Variants in SPANXN1 observed in about 807,000 individuals in gnomAD.
SPANXN1 encodes the protein SPANX family member N1, also known as sperm protein associated with the nucleus on the X chromosome N1.
Under a neutral mutation model 2.0 loss-of-function variants are expected in SPANXN1, and 1 was observed. That is an observed-to-expected ratio of 0.50 (90% CI 0.18 to 2.36). SPANXN1 has a LOEUF of 2.36. SPANXN1 is among the 30% of genes most tolerant of loss of function. The pLI is 0.26. For synonymous variants in SPANXN1, 27 were observed against 21.3 expected (o/e 1.27, Z -0.74); for missense variants, 55 against 51.8 (o/e 1.06, Z -0.19).
intron 1 of SPANXN1, among the ~76,000 whole-genome samples, chrX:145,248,305 G>C (rs1487680966): frequency 4.5e-5 from 5 of 111,434 alleles, no homozygotes; most frequent in Non-Finnish European, 7.5e-5. Context: ...GTGTTGCTGG[G>C]TGGCTGCCTG....
Position 145,255,877 on chromosome X carries a change from T to C in SPANXN1, c.*63T>C, listed in dbSNP as rs2070808788. The C allele has an allele frequency of 1.7e-6, 2 of 1,208,639 alleles. No homozygotes were observed. The highest frequency in any genetic ancestry group is 1.8e-5 in the South Asian group (1 of 56,766). On this transcript the variant is annotated 3_prime_UTR_variant, in exon 2 of 2. Transcript: ENST00000370493. Reference sequence around the variant, plus strand: ...AAGGCCTAGACTCAGCTGAAGGATCTTCAAAGCAGGATGAAGACCTAGACT... The same window carrying C: ...AAGGCCTAGACTCAGCTGAAGGATCCTCAAAGCAGGATGAAGACCTAGACT...
In SPANXN1 at chrX:145,251,530, G is replaced by A. The variant is rs1472353114; in HGVS notation, c.75+3869G>A. Reference sequence around the variant, plus strand: ...ACAGAGTCCAGTTGTTTTGAGAGATGTGCAATGGCTTCTGGGGCGTCGCCG... The same window carrying A: ...ACAGAGTCCAGTTGTTTTGAGAGATATGCAATGGCTTCTGGGGCGTCGCCG... On this transcript the variant is annotated intron_variant, in intron 1 of 1. Transcript: ENST00000370493. 1.0e-3 allele frequency among the ~76,000 whole-genome samples: 116 copies of A among 111,715 alleles called. 1 individual carries two copies. The highest frequency in any genetic ancestry group is 3.6e-3 in the African/African-American group (112 of 30,710).
Position 145,255,822 on chromosome X carries a change from C to T in SPANXN1, c.*8C>T. On this transcript the variant is annotated 3_prime_UTR_variant, in exon 2 of 2. Coordinates refer to ENST00000370493, the MANE Select transcript of SPANXN1 (RefSeq NM_001009614.3). ...GAGAATGACCAGTCCTGAGAGAACT[C>T]CATCAATCCAGTCCAAGAGGAGGAG... 2.5e-6 allele frequency: 3 copies of T among 1,212,146 alleles called. No homozygotes were observed. Among genetic ancestry groups the T allele is most frequent in the Non-Finnish European group, 2.2e-6 (2 of 895,576 alleles).
At chrX:145,253,153 C>G (rs2124445653) in intron 1 of SPANXN1, among the ~76,000 whole-genome samples, 1 of 110,967 alleles carries the variant, frequency 9.0e-6, no homozygotes, top group South Asian at 3.9e-4. Flanking sequence ...CTTGATACCA[C>G]AGATGGGGCA....
chrX:145,255,502 CTCT>C (rs1262996248), intron 1 of SPANXN1, among the ~76,000 whole-genome samples, 166 bp from the exon 2 acceptor site: 5 of 110,352 alleles, frequency 4.5e-5, no homozygotes, highest in Non-Finnish European at 7.6e-5. Flanking sequence ...ACCCATGCTC[CTCT>C]TCTTCTTCCC....
intron 1 of SPANXN1, among the ~76,000 whole-genome samples, chrX:145,251,948 C>T (rs1193863787): frequency 9.0e-6 from 1 of 111,451 alleles, no homozygotes; most frequent in African/African-American, 3.3e-5. Context: ...GGGGTTAGGA[C>T]AAACCCATGT....
At chrX:145,254,831 C>G (rs782516927) in intron 1 of SPANXN1, among the ~76,000 whole-genome samples, 1 of 111,368 alleles carries the variant, frequency 9.0e-6, no homozygotes, top group African/African-American at 3.3e-5. Flanking sequence ...AGAAAAAGGT[C>G]GAGAGTTTGA....
intron 1 of SPANXN1, among the ~76,000 whole-genome samples, chrX:145,251,898 A>T (rs1375288049): frequency 9.0e-6 from 1 of 111,001 alleles, no homozygotes; most frequent in African/African-American, 3.3e-5. Context: ...GCATGTCCCA[A>T]ATTAGCTCCT....
intron 1 of SPANXN1, among the ~76,000 whole-genome samples, chrX:145,253,147 A>T (rs781913159): frequency 9.0e-6 from 1 of 110,997 alleles, no homozygotes; most frequent in African/African-American, 3.3e-5. Context: ...GTGTTGCTTG[A>T]TACCACAGAT....
At chrX:145,250,628 T>C (rs2070781996) in intron 1 of SPANXN1, among the ~76,000 whole-genome samples, 1 of 112,082 alleles carries the variant, frequency 8.9e-6, no homozygotes, top group Non-Finnish European at 1.9e-5. Flanking sequence ...TGGAACCATT[T>C]TTTCCTGAAT....
chrX:145,250,747 C>A lies in SPANXN1; in HGVS notation c.75+3086C>A, dbSNP rs1556882419. ...GTTTTAAGGGCTGCCTGCCAGGCTGCCAAATTTATTGAAAGGTTTTTCTCG... is the reference window on the plus strand; with the variant it reads ...GTTTTAAGGGCTGCCTGCCAGGCTGACAAATTTATTGAAAGGTTTTTCTCG... On this transcript the variant is annotated intron_variant, in intron 1 of 1. Transcript: ENST00000370493. 3.6e-5 allele frequency among the ~76,000 whole-genome samples: 4 copies of A among 111,014 alleles called. No individual in the cohort carries two copies. The South Asian group carries it at 1.6e-3, about 44-fold the overall frequency.
intron 1 of SPANXN1, among the ~76,000 whole-genome samples, chrX:145,249,296 T>C (rs1479643067): frequency 9.2e-6 from 1 of 108,295 alleles, no homozygotes; most frequent in African/African-American, 3.4e-5. Flanking sequence ...CTGCTAGAGG[T>C]TGGGGGTGGG....
At chrX:145,255,514 C>T (rs188208676) in intron 1 of SPANXN1, among the ~76,000 whole-genome samples, 157 bp from the exon 2 acceptor site, 91 of 110,182 alleles carry the variant, frequency 8.3e-4, no homozygotes, top group African/African-American at 2.5e-3. Context: ...CTTCTTCTTC[C>T]CCATAGATCC....
chrX:145,255,945 A>G lies in SPANXN1; in HGVS notation c.*131A>G, dbSNP rs1399893459. ...TCAGCTGAAGGATCTTCAAAGCAGG[A>G]TGAAGACCTAGACTTACCTGAAGGA... On this transcript the variant is annotated 3_prime_UTR_variant, in exon 2 of 2. Transcript: ENST00000370493. The G allele has an allele frequency of 8.9e-7, 1 of 1,119,027 alleles. No homozygotes were observed. Among genetic ancestry groups the G allele is most frequent in the African/African-American group, 1.8e-5 (1 of 54,144 alleles). The allele number at this position is 1,119,027 out of a possible 1,213,427, so 92.2% of individuals were successfully genotyped here. A position where few individuals can be genotyped will look rare whatever the true frequency, so the allele number is the denominator to read the frequency against.
rs1480759110 is a variant in SPANXN1 at position 145,255,741 on chromosome X, C to A, written c.146C>A (p.Ser49Ter). 8.3e-7 allele frequency: 1 copy of A among 1,210,670 alleles called. No homozygotes were observed. The highest frequency in any genetic ancestry group is 1.7e-5 in the African/African-American group (1 of 57,334). Residue 49 changes from serine (S) to a stop codon, truncating the protein, a stop_gained, in exon 2 of 2, where the codon TCA becomes TAA. Coordinates refer to ENST00000370493, the MANE Select transcript of SPANXN1 (RefSeq NM_001009614.3). LOFTEE classifies it low-confidence loss of function (END_TRUNC). ...AAAAAGATGAAAACGTCAGAATATT[C>A]AACAGTATTAGCGTTTTGCTACAGG... Reference protein sequence around the residue: ...SLKKMKTSEYSTVLAFCYRKA... With the variant: ...SLKKMKTSEY
intron 1 of SPANXN1, among the ~76,000 whole-genome samples, chrX:145,249,882 C>T (rs1349791832): frequency 3.6e-5 from 4 of 110,580 alleles, no homozygotes; most frequent in Non-Finnish European, 3.8e-5. Context: ...GGTGTAACGC[C>T]GGCCAAGTAT....
chrX:145,256,120 G>A lies in SPANXN1; in HGVS notation c.*306G>A, dbSNP rs1191857695. On this transcript the variant is annotated 3_prime_UTR_variant, in exon 2 of 2. Transcript: ENST00000370493. ...AGGAGGATGAAGACCTAGAGAAAAA[G>A]CGATCATCTAGGTCAAGAAATGAAA... 1.1e-5 allele frequency: 5 copies of A among 441,787 alleles called. No individual in the cohort carries two copies. The highest frequency in any genetic ancestry group is 6.7e-4 in the Middle Eastern group (1 of 1,499). 36.4% of individuals were successfully genotyped at this position (441,787 alleles called of 1,213,427 possible).
intron 1 of SPANXN1, among the ~76,000 whole-genome samples, chrX:145,252,595 TG>T (rs1172405285): frequency 4.5e-5 from 5 of 111,094 alleles, no homozygotes; most frequent in Non-Finnish European, 7.5e-5. Flanking sequence ...TTATTTTAAC[TG>T]GGATGTGATG....
chrX:145,249,356 T>C (rs1556882218), intron 1 of SPANXN1, among the ~76,000 whole-genome samples: 1 of 110,099 alleles, frequency 9.1e-6, no homozygotes, highest in Non-Finnish European at 1.9e-5. Context: ...AAAAGGAGAT[T>C]TGAGTAGGAG....
Sources: gnomAD v4.1 joint callset for allele counts (sites outside exome capture counted in the v4.1 genomes callset) on GRCh38, gnomAD v4.1.1 for gene constraint, MANE v1.5 for transcripts, NCBI Gene and HGNC (gene_info 2026-07-23, HGNC 2026-07-21) for gene names.